Variants in KCNMB2 observed in about 807,000 individuals in gnomAD.
KCNMB2 encodes the protein potassium calcium-activated channel subfamily M regulatory beta subunit 2.
Under a neutral mutation model 24.5 loss-of-function variants are expected in KCNMB2, and 9 were observed. The ratio of observed to expected loss-of-function variants is 0.37; its 90% CI spans 0.22 to 0.64. The LOEUF is 0.64. Among genes scored for constraint, KCNMB2 ranks in the 30% least tolerant of loss-of-function variants. The pLI is 0.63. For missense variants in KCNMB2, 226 were observed against 284.3 expected (o/e 0.79, Z 1.47); for synonymous variants, 109 against 104.4 (o/e 1.04, Z -0.27).
At chr3:178,657,430 C>G (rs1720384712) in intron 1 of KCNMB2, among the ~76,000 whole-genome samples, 1 of 152,198 alleles carries the variant, frequency 6.6e-6, no homozygotes, top group Non-Finnish European at 1.5e-5. Flanking sequence ...ACCTATGTGA[C>G]CTTGTTCAAG....
At chr3:178,791,752 T>A (rs1368071849) in intron 1 of KCNMB2, among the ~76,000 whole-genome samples, 1 of 146,008 alleles carries the variant, frequency 6.8e-6, no homozygotes, top group Non-Finnish European at 1.5e-5. Context: ...AAAAAGTAAA[T>A]AACATATAAA....
chr3:178,553,261 C>T (rs1267775913), intron 1 of KCNMB2, among the ~76,000 whole-genome samples: 4 of 152,172 alleles, frequency 2.6e-5, no homozygotes, highest in Non-Finnish European at 2.9e-5. Flanking sequence ...TAAGTACAAT[C>T]TGGCACCATG....
At chr3:178,621,793 A>G (rs1718933123) in intron 1 of KCNMB2, among the ~76,000 whole-genome samples, 1 of 152,232 alleles carries the variant, frequency 6.6e-6, no homozygotes. Context: ...TATTTTCCAG[A>G]GAAGGGAACT....
chr3:178,540,563 C>T (rs1715582433), intron 1 of KCNMB2, among the ~76,000 whole-genome samples: 1 of 152,206 alleles, frequency 6.6e-6, no homozygotes, highest in African/African-American at 2.4e-5. Flanking sequence ...TTCCATTCCA[C>T]TGCCACCACG....
intron 1 of KCNMB2, among the ~76,000 whole-genome samples, chr3:178,581,283 A>G (rs1717193976): frequency 6.6e-6 from 1 of 152,242 alleles, no homozygotes; most frequent in Non-Finnish European, 1.5e-5. Context: ...TCCCTATTTA[A>G]TAAATGATGT....
At chr3:178,579,184 T>C (rs1434201633) in intron 1 of KCNMB2, among the ~76,000 whole-genome samples, 5 of 152,158 alleles carry the variant, frequency 3.3e-5, no homozygotes, top group African/African-American at 1.2e-4. Flanking sequence ...CAGACTACAA[T>C]GCAATCAAAT....
chr3:178,617,433 C>A (rs1233646518), intron 1 of KCNMB2, among the ~76,000 whole-genome samples: 1 of 151,900 alleles, frequency 6.6e-6, no homozygotes, highest in Non-Finnish European at 1.5e-5. Context: ...TGGCAGGCAC[C>A]TGTAGTCCCA....
At chr3:178,732,204 AAT>A (rs1723175223) in intron 1 of KCNMB2, among the ~76,000 whole-genome samples, 1 of 152,174 alleles carries the variant, frequency 6.6e-6, no homozygotes, top group South Asian at 2.1e-4. Context: ...ATTTTTGTAA[AAT>A]AATAATATTG....
chr3:178,757,748 A>G lies in KCNMB2; in HGVS notation c.-67-49595A>G, dbSNP rs1050842136. 2.3e-5 allele frequency among the ~76,000 whole-genome samples: 2 copies of G among 85,242 alleles called. 1 individual carries two copies. The highest frequency in any genetic ancestry group is 4.9e-5 in the Non-Finnish European group (2 of 41,028). The allele number at this position is 85,242 out of a possible 152,430, so 55.9% of individuals were successfully genotyped here. ...TATATATCCAAGAGGATATATATAT[A>G]TAAGAGGATATATATATATATCCAA... On this transcript the variant is annotated intron_variant, in intron 1 of 4. Coordinates refer to ENST00000452583, the MANE Select transcript of KCNMB2 (RefSeq NM_181361.3).
At chr3:178,608,878 C>T (rs1224235192) in intron 1 of KCNMB2, among the ~76,000 whole-genome samples, 1 of 152,152 alleles carries the variant, frequency 6.6e-6, no homozygotes, top group Non-Finnish European at 1.5e-5. Flanking sequence ...TTTTTCTTTA[C>T]CTGTTTATCT....
chr3:178,801,873 T>C (rs909665002), intron 1 of KCNMB2: 7 of 152,216 alleles, frequency 4.6e-5, no homozygotes, highest in Admixed American at 4.6e-4. Context: ...GACTCTTCCA[T>C]GGACTGCACT....
intron 1 of KCNMB2, among the ~76,000 whole-genome samples, chr3:178,707,490 C>T (rs184620371): frequency 6.6e-6 from 1 of 152,220 alleles, no homozygotes; most frequent in Admixed American, 6.5e-5. Context: ...CTCTCAGATA[C>T]TTGTGCCAAT....
intron 1 of KCNMB2, among the ~76,000 whole-genome samples, chr3:178,759,245 A>C (rs2108405428): frequency 8.2e-6 from 1 of 122,550 alleles, no homozygotes; most frequent in Non-Finnish European, 1.7e-5. Context: ...ATAGATATAT[A>C]TATATCTCTC....
chr3:178,556,131 G>A (rs532215236), intron 1 of KCNMB2, among the ~76,000 whole-genome samples: 137 of 152,290 alleles, frequency 9.0e-4, no homozygotes, highest in African/African-American at 2.8e-3. Flanking sequence ...TCAGCAGGAC[G>A]TCACAGAGAA....
intron 1 of KCNMB2, among the ~76,000 whole-genome samples, chr3:178,685,095 C>A (rs1721419020): frequency 7.8e-6 from 1 of 128,170 alleles, no homozygotes; most frequent in African/African-American, 2.7e-5. Context: ...CCATGCCTAC[C>A]CAACTCCACC....
chr3:178,541,032 G>A (rs1715599109), intron 1 of KCNMB2, among the ~76,000 whole-genome samples: 3 of 152,168 alleles, frequency 2.0e-5, no homozygotes, highest in African/African-American at 7.2e-5. Flanking sequence ...AAATCCATTA[G>A]TAGCATTAGA....
At chr3:178,780,835 C>A (rs943124137) in intron 1 of KCNMB2, among the ~76,000 whole-genome samples, 5 of 152,180 alleles carry the variant, frequency 3.3e-5, no homozygotes, top group African/African-American at 1.2e-4. Flanking sequence ...AGACCTATTA[C>A]ATACCAAGTG....
chr3:178,619,902 T>C (rs1577053817), intron 1 of KCNMB2, among the ~76,000 whole-genome samples: 1 of 152,190 alleles, frequency 6.6e-6, no homozygotes, highest in Non-Finnish European at 1.5e-5. Context: ...ATACACTCCA[T>C]CTTTCATCTG....
chr3:178,716,229 T>C (rs1368486039), intron 1 of KCNMB2, among the ~76,000 whole-genome samples: 1 of 152,232 alleles, frequency 6.6e-6, no homozygotes, highest in Non-Finnish European at 1.5e-5. Context: ...ATGTACATAA[T>C]AACATTGATA....
Sources: gnomAD v4.1 joint callset for allele counts (sites outside exome capture counted in the v4.1 genomes callset) on GRCh38, gnomAD v4.1.1 for gene constraint, MANE v1.5 for transcripts, NCBI Gene and HGNC (gene_info 2026-07-23, HGNC 2026-07-21) for gene names.